Variants in CDK14 observed in about 807,000 individuals in gnomAD.
CDK14 encodes the protein cyclin-dependent kinase 14.
In CDK14, 34 loss-of-function variants were observed where a neutral mutation model predicts 60.7. That is an observed-to-expected ratio of 0.56 (90% CI 0.43 to 0.75). The LOEUF (loss-of-function observed/expected upper bound fraction) is 0.75. Among genes scored for constraint, CDK14 ranks in the 30% least tolerant of loss-of-function variants. The pLI, the probability that CDK14 is intolerant of heterozygous loss-of-function variation, is 0.00. For synonymous variants in CDK14, 197 were observed against 203.7 expected (o/e 0.97, Z 0.28); for missense variants, 482 against 564.1 (o/e 0.85, Z 1.47).
intron 2 of CDK14, among the ~76,000 whole-genome samples, chr7:90,690,655 A>G (rs1801534742): frequency 1.3e-5 from 2 of 152,254 alleles, no homozygotes; most frequent in Admixed American, 1.3e-4. Flanking sequence ...GGTTTCTCTC[A>G]TATTGAGCCA....
At chr7:90,697,945 G>A (rs1221698767) in intron 2 of CDK14, among the ~76,000 whole-genome samples, 1 of 151,364 alleles carries the variant, frequency 6.6e-6, no homozygotes, top group Non-Finnish European at 1.5e-5. Context: ...GCGGGCGCCT[G>A]TATTCCCAGC....
At chr7:90,600,082 G>A (rs1444896187) in intron 1 of CDK14, among the ~76,000 whole-genome samples, 2 of 152,156 alleles carry the variant, frequency 1.3e-5, no homozygotes, top group South Asian at 2.1e-4. Flanking sequence ...ATCTGCCAGG[G>A]AATGACTATG....
At chr7:90,626,977 CA>C (rs1799889235) in intron 2 of CDK14, among the ~76,000 whole-genome samples, 1 of 151,010 alleles carries the variant, frequency 6.6e-6, no homozygotes, top group African/African-American at 2.4e-5. Context: ...AAAACAAAAA[CA>C]AAAACAAAAC....
intron 6 of CDK14, among the ~76,000 whole-genome samples, chr7:90,868,509 C>G (rs1056106459): frequency 2.0e-5 from 3 of 151,938 alleles, no homozygotes; most frequent in African/African-American, 7.2e-5. Flanking sequence ...GCAACAAACT[C>G]AAAGCTAATC....
intron 14 of CDK14, among the ~76,000 whole-genome samples, chr7:91,170,862 G>T (rs1460270223): frequency 6.6e-6 from 1 of 150,958 alleles, no homozygotes; most frequent in Non-Finnish European, 1.5e-5. Context: ...CACCTCCCGG[G>T]TTCAAGTGAT....
intron 3 of CDK14, among the ~76,000 whole-genome samples, chr7:90,730,624 T>C (rs1461709249): frequency 6.6e-6 from 1 of 152,190 alleles, no homozygotes; most frequent in Non-Finnish European, 1.5e-5. Flanking sequence ...GAGCTTTTTT[T>C]CATGTTTGTT....
At chr7:90,604,832 C>T (rs1003088958) in intron 2 of CDK14, among the ~76,000 whole-genome samples, 3 of 152,182 alleles carry the variant, frequency 2.0e-5, no homozygotes, top group Non-Finnish European at 2.9e-5. Flanking sequence ...TTTAAAATTG[C>T]AGTCATTCCT....
At chr7:90,641,041 C>T (rs374269607) in intron 2 of CDK14, among the ~76,000 whole-genome samples, 9 of 150,294 alleles carry the variant, frequency 6.0e-5, no homozygotes, top group South Asian at 2.1e-4. Context: ...AAAACCATCA[C>T]GAGCTACCAC....
At chr7:90,818,656 G>A (rs959604241) in intron 5 of CDK14, among the ~76,000 whole-genome samples, 3 of 152,100 alleles carry the variant, frequency 2.0e-5, no homozygotes, top group African/African-American at 4.8e-5. Flanking sequence ...AATAAGCAAC[G>A]AGTAATAGTA....
At chr7:90,662,860 C>T (rs891985776) in intron 2 of CDK14, among the ~76,000 whole-genome samples, 2 of 152,164 alleles carry the variant, frequency 1.3e-5, no homozygotes, top group African/African-American at 4.8e-5. Flanking sequence ...ACCAGATAAA[C>T]ATGGGTTTGA....
chr7:90,904,708 G>C (rs1031506128), intron 7 of CDK14, among the ~76,000 whole-genome samples: 9 of 152,074 alleles, frequency 5.9e-5, no homozygotes, highest in African/African-American at 1.9e-4. Context: ...AAATGTATAG[G>C]ATTGAGTTTT....
intron 2 of CDK14, chr7:90,666,407 A>G (rs1297000736): frequency 6.6e-6 from 1 of 152,194 alleles, no homozygotes; most frequent in East Asian, 1.9e-4. Flanking sequence ...GTACTTCACA[A>G]GTAGGTATGC....
At chr7:90,825,443 C>T (rs1280859971) in intron 5 of CDK14, among the ~76,000 whole-genome samples, 1 of 152,156 alleles carries the variant, frequency 6.6e-6, no homozygotes, top group African/African-American at 2.4e-5. Context: ...CCATGAAAGT[C>T]AGTAACACCA....
intron 10 of CDK14, among the ~76,000 whole-genome samples, chr7:90,994,638 TG>T (rs377013383): frequency 4.6e-5 from 7 of 152,324 alleles, no homozygotes; most frequent in African/African-American, 1.7e-4. Flanking sequence ...CTGAATTTTT[TG>T]TTTTTCCCAT....
intron 12 of CDK14, among the ~76,000 whole-genome samples, chr7:91,086,015 A>T (rs1258835829): frequency 6.6e-6 from 1 of 152,140 alleles, no homozygotes; most frequent in Non-Finnish European, 1.5e-5. Flanking sequence ...GTAATTAACA[A>T]GAGTTAAGGG....
rs558449810 is a variant in CDK14, at chr7:91,022,449, T to G, written c.1042-23448T>G. 2.6e-5 allele frequency among the ~76,000 whole-genome samples: 4 copies of G among 152,348 alleles called. No homozygotes were observed. In the South Asian group the frequency reaches 8.3e-4, roughly 32 times the overall value. On this transcript the variant is annotated intron_variant, in intron 10 of 14. Coordinates refer to ENST00000380050, the MANE Select transcript of CDK14 (RefSeq NM_001287135.2). ...TGCCTACAGAAATTGTCAAATATCT[T>G]CAGTATATTTTACGTATTTATTTAC...
At chr7:90,817,537 A>G (rs1789397110) in intron 5 of CDK14, among the ~76,000 whole-genome samples, 1 of 152,166 alleles carries the variant, frequency 6.6e-6, no homozygotes, top group Non-Finnish European at 1.5e-5. Context: ...ATTATTTAGG[A>G]TTATAAAATT....
At chr7:90,819,795 T>C (rs1454900959) in intron 5 of CDK14, among the ~76,000 whole-genome samples, 4 of 152,154 alleles carry the variant, frequency 2.6e-5, no homozygotes, top group Non-Finnish European at 1.5e-5. Context: ...TAGACAATTT[T>C]GGTAAAATAA....
intron 2 of CDK14, among the ~76,000 whole-genome samples, chr7:90,656,019 A>G (rs1800744442): frequency 6.6e-6 from 1 of 152,148 alleles, no homozygotes; most frequent in African/African-American, 2.4e-5. Flanking sequence ...ATAAAGGTGG[A>G]TTAGCCCATG....
Sources: allele counts gnomAD v4.1 joint callset (sites outside exome capture counted in the v4.1 genomes callset), GRCh38; gene constraint gnomAD v4.1.1; transcripts MANE v1.5; gene names NCBI Gene and HGNC (gene_info 2026-07-23, HGNC 2026-07-21).